The following SLC9A9 variants were observed in gnomAD, a reference collection of about 807,000 sequenced individuals.
SLC9A9 encodes sodium/hydrogen exchanger 9.
In SLC9A9, 62 loss-of-function variants were observed where a neutral mutation model predicts 77.8. That is an observed-to-expected ratio of 0.80 (90% CI 0.65 to 0.98). The LOEUF (loss-of-function observed/expected upper bound fraction) is 0.98. SLC9A9 is among the 50% of genes least tolerant of loss of function. The probability of loss-of-function intolerance (pLI) is 0.00; values close to 1 mark genes in which losing one functional copy is unlikely to be tolerated. For synonymous variants in SLC9A9, 320 were observed against 283.5 expected (o/e 1.13, Z -1.29); for missense variants, 775 against 774.9 (o/e 1.00, Z 0.00).
chr3:143,815,625 G>A (rs1230134715), intron 2 of SLC9A9, among the ~76,000 whole-genome samples: 1 of 152,054 alleles, frequency 6.6e-6, no homozygotes, highest in Non-Finnish European at 1.5e-5. Flanking sequence ...CAGCTCTTTG[G>A]GAGGCTGAGG....
intron 13 of SLC9A9, among the ~76,000 whole-genome samples, chr3:143,375,021 GATAAA>G (rs1238142877): frequency 9.9e-5 from 15 of 151,974 alleles, no homozygotes; most frequent in African/African-American, 3.4e-4. Flanking sequence ...ATCAGTAACT[GATAAA>G]ATAAGTAGAC....
intron 4 of SLC9A9, among the ~76,000 whole-genome samples, chr3:143,752,195 G>A (rs2108825524): frequency 6.6e-6 from 1 of 152,318 alleles, no homozygotes; most frequent in East Asian, 1.9e-4. Flanking sequence ...GAAAGAAAAT[G>A]AGATTCCAGA....
chr3:143,633,367 C>T (rs996646739), intron 6 of SLC9A9, among the ~76,000 whole-genome samples: 1 of 152,048 alleles, frequency 6.6e-6, no homozygotes, highest in Non-Finnish European at 1.5e-5. Flanking sequence ...CATTTATATG[C>T]ATTGCTATAC....
chr3:143,327,845 T>C (rs1180328549), intron 14 of SLC9A9, among the ~76,000 whole-genome samples: 1 of 152,262 alleles, frequency 6.6e-6, no homozygotes, highest in African/African-American at 2.4e-5. Flanking sequence ...GAGATCATTT[T>C]TATGAAGAGC....
chr3:143,290,825 C>CCTAT (rs1195258159), intron 14 of SLC9A9, among the ~76,000 whole-genome samples: 11 of 152,186 alleles, frequency 7.2e-5, no homozygotes, highest in Non-Finnish European at 1.2e-4. Flanking sequence ...AGATCCAGCA[C>CCTAT]CTATCCCCTG....
chr3:143,793,200 A>G (rs1243643658), intron 4 of SLC9A9, among the ~76,000 whole-genome samples: 1 of 152,134 alleles, frequency 6.6e-6, no homozygotes, highest in Non-Finnish European at 1.5e-5. Context: ...GTAAATGAAA[A>G]CCACTGGATC....
At chr3:143,715,733 C>G (rs1480855696) in intron 4 of SLC9A9, among the ~76,000 whole-genome samples, 1 of 152,206 alleles carries the variant, frequency 6.6e-6, no homozygotes, top group East Asian at 1.9e-4. Flanking sequence ...AATGAGACAG[C>G]CCTGGTCAGA....
intron 6 of SLC9A9, among the ~76,000 whole-genome samples, chr3:143,613,443 A>G (rs1044566822): frequency 6.6e-6 from 1 of 152,222 alleles, no homozygotes; most frequent in Non-Finnish European, 1.5e-5. Flanking sequence ...AAATTTTGCA[A>G]TCCAGTTTTA....
chr3:143,266,657 T>G lies in SLC9A9; in HGVS notation c.*45A>C. The G allele has an allele frequency of 9.4e-6, 15 of 1,601,190 alleles. No homozygotes were observed. Among genetic ancestry groups the G allele is most frequent in the Non-Finnish European group, 1.1e-5 (13 of 1,168,902 alleles). On this transcript the variant is annotated 3_prime_UTR_variant, in exon 16 of 16. Transcript: ENST00000316549. ...CATCAGCTTGGCTTGTATTCCTCAG[T>G]GAGTCTTGCATTACTTGTGATTACA...
At chr3:143,579,463 A>T (rs1419826142) in intron 6 of SLC9A9, among the ~76,000 whole-genome samples, 1 of 152,140 alleles carries the variant, frequency 6.6e-6, no homozygotes, top group Non-Finnish European at 1.5e-5. Context: ...TTTTTTTTAA[A>T]ACCAGGGCCT....
At chr3:143,505,668 C>T (rs953310945) in intron 9 of SLC9A9, among the ~76,000 whole-genome samples, 8 of 152,172 alleles carry the variant, frequency 5.3e-5, no homozygotes, top group Non-Finnish European at 1.5e-5. Context: ...TAAACTTAAT[C>T]TTGCTTTTTA....
intron 6 of SLC9A9, among the ~76,000 whole-genome samples, chr3:143,628,366 A>G (rs908162263): frequency 6.6e-6 from 1 of 152,188 alleles, no homozygotes; most frequent in Admixed American, 6.5e-5. Context: ...GGTCACTTAC[A>G]TTCTCCTACA....
intron 5 of SLC9A9, among the ~76,000 whole-genome samples, chr3:143,668,051 C>G (rs2039099010): frequency 6.6e-6 from 1 of 152,090 alleles, no homozygotes; most frequent in Non-Finnish European, 1.5e-5. Context: ...TATTGTGGCA[C>G]TATTCACAAT....
chr3:143,789,836 G>T (rs1244048832), intron 4 of SLC9A9, among the ~76,000 whole-genome samples: 3 of 152,082 alleles, frequency 2.0e-5, no homozygotes, highest in Non-Finnish European at 2.9e-5. Context: ...TATTCAAGAA[G>T]CCCAATGAGA....
intron 1 of SLC9A9, 35 bp downstream of exon 1, chr3:143,848,113 A>G: frequency 6.3e-7 from 1 of 1,592,118 alleles, no homozygotes; most frequent in Middle Eastern, 1.7e-4. Context: ...CTCAAGCAAC[A>G]AGTTTCACAT....
At chr3:143,434,361 G>GA (rs748411050) in intron 12 of SLC9A9, among the ~76,000 whole-genome samples, 4 of 151,622 alleles carry the variant, frequency 2.6e-5, no homozygotes, top group Admixed American at 2.6e-4. Flanking sequence ...GGGGCAGAAG[G>GA]AAAAAAAAGA....
At chr3:143,829,251 A>G (rs949263747) in intron 2 of SLC9A9, among the ~76,000 whole-genome samples, 1 of 152,070 alleles carries the variant, frequency 6.6e-6, no homozygotes, top group Non-Finnish European at 1.5e-5. Context: ...TTACCCTACA[A>G]ACTTCATATT....
At chr3:143,675,617 T>C (rs990501040) in intron 5 of SLC9A9, among the ~76,000 whole-genome samples, 2 of 152,220 alleles carry the variant, frequency 1.3e-5, no homozygotes, top group African/African-American at 4.8e-5. Flanking sequence ...TTTTCATTTC[T>C]TTTTTCACTT....
intron 4 of SLC9A9, among the ~76,000 whole-genome samples, chr3:143,727,340 T>C (rs1934680606): frequency 6.6e-6 from 1 of 151,662 alleles, no homozygotes; most frequent in South Asian, 2.1e-4. Context: ...TTTATCCAAA[T>C]ATAAATGGTG....
Sources: allele counts gnomAD v4.1 joint callset (sites outside exome capture counted in the v4.1 genomes callset), GRCh38; gene constraint gnomAD v4.1.1; transcripts MANE v1.5; gene names NCBI Gene and HGNC (gene_info 2026-07-23, HGNC 2026-07-21).